Variants in PROM1 observed in about 807,000 individuals in gnomAD.
PROM1 encodes the protein prominin-1.
In PROM1, 105 loss-of-function variants were observed where a neutral mutation model predicts 116.9. That is an observed-to-expected ratio of 0.90 (90% CI 0.77 to 1.06). The LOEUF (loss-of-function observed/expected upper bound fraction) is 1.06. PROM1 is among the 50% of genes least tolerant of loss of function. PROM1 has a pLI of 0.00. For missense variants in PROM1, 1,122 were observed against 1,045.2 expected (o/e 1.07, Z -1.01); for synonymous variants, 393 against 387.0 (o/e 1.02, Z -0.18).
At position 16,077,319 on chromosome 4, in the gene PROM1, T is replaced by TA. The variant is rs202110281; in HGVS notation, c.-212-1202dup. On this transcript the variant is annotated intron_variant, in intron 1 of 27. Transcript: ENST00000447510. ...TGAGATGTTTATGGGTATGCATATC[T>TA]AAAGCACAGCACTTAATTCTTTACC... 3.9e-3 allele frequency among the ~76,000 whole-genome samples: 597 copies of TA among 152,330 alleles called. 3 individuals carry two copies. Among genetic ancestry groups the TA allele is most frequent in the African/African-American group, 0.013 (560 of 41,574 alleles).
At chr4:15,986,962 T>C (rs1719580157) in intron 20 of PROM1, among the ~76,000 whole-genome samples, 1 of 152,214 alleles carries the variant, frequency 6.6e-6, no homozygotes, top group African/African-American at 2.4e-5. Flanking sequence ...AACCCAGCCT[T>C]GCAGCTCTGT....
intron 3 of PROM1, 28 bp downstream of exon 3, chr4:16,038,918 A>C (rs1335667341): frequency 2.2e-5 from 32 of 1,453,576 alleles, no homozygotes; most frequent in Admixed American, 2.7e-5. Context: ...TCGTATTTTT[A>C]ATAATAAATA....
rs1719204415 is a variant in PROM1, at chr4:15,985,755, C to T, written c.2280+5G>A. The T allele has an allele frequency of 6.5e-7, 1 of 1,538,956 alleles. No homozygotes were observed. The highest frequency in any genetic ancestry group is 9.0e-7 in the Non-Finnish European group (1 of 1,116,472). ...CTTAACATTCATAAAAGATAAACTA[C>T]TTACAGAGAACTCGATCCACTGCAG... On this transcript the variant is annotated splice_donor_5th_base_variant and intron_variant, in intron 22 of 27. Coordinates refer to ENST00000447510, the MANE Select transcript of PROM1 (RefSeq NM_006017.3).
At chr4:16,032,532 A>G (rs1002920915) in intron 5 of PROM1, among the ~76,000 whole-genome samples, 2 of 152,224 alleles carry the variant, frequency 1.3e-5, no homozygotes, top group Admixed American at 1.3e-4. Context: ...TTCATGTCAT[A>G]GGCACATTGA....
intron 5 of PROM1, among the ~76,000 whole-genome samples, chr4:16,026,645 C>T (rs566160420): frequency 6.6e-6 from 1 of 152,246 alleles, no homozygotes; most frequent in African/African-American, 2.4e-5. Context: ...ATTTCTCCAT[C>T]CTGGGTAAAT....
chr4:16,056,271 AAAC>A (rs1738990881), intron 2 of PROM1, among the ~76,000 whole-genome samples: 2 of 152,168 alleles, frequency 1.3e-5, no homozygotes, highest in Admixed American at 1.3e-4. Context: ...GGATTCCACC[AAAC>A]AACAACCATG....
intron 2 of PROM1, among the ~76,000 whole-genome samples, chr4:16,056,552 C>T (rs547530787): frequency 2.1e-4 from 31 of 150,862 alleles, no homozygotes; most frequent in African/African-American, 7.1e-4. Context: ...AGAATAAATG[C>T]TATAAAGAAA....
intron 11 of PROM1, among the ~76,000 whole-genome samples, chr4:16,012,283 C>A (rs1279623996): frequency 6.6e-6 from 1 of 152,176 alleles, no homozygotes; most frequent in Non-Finnish European, 1.5e-5. Context: ...AGGCGTGAGC[C>A]ACTGCGCCCA....
chr4:16,046,078 G>A (rs1736484668), intron 2 of PROM1, among the ~76,000 whole-genome samples: 1 of 152,336 alleles, frequency 6.6e-6, no homozygotes, highest in Non-Finnish European at 1.5e-5. Flanking sequence ...AGGGGTCAAG[G>A]CTAAGTTGGC....
At chr4:16,077,264 T>A (rs1004618886) in intron 1 of PROM1, among the ~76,000 whole-genome samples, 1 of 152,236 alleles carries the variant, frequency 6.6e-6, no homozygotes, top group Non-Finnish European at 1.5e-5. Context: ...AGGTGGGACA[T>A]GCGGGCAACA....
At chr4:16,043,447 T>C (rs926491608) in intron 2 of PROM1, among the ~76,000 whole-genome samples, 3 of 152,184 alleles carry the variant, frequency 2.0e-5, no homozygotes, top group Admixed American at 1.3e-4. Context: ...ACCACAGGCA[T>C]GCACATCACA....
In PROM1 at chr4:15,969,112, T is replaced by A. The variant is rs531645645; in HGVS notation, c.*281A>T. On this transcript the variant is annotated 3_prime_UTR_variant, in exon 28 of 28. Coordinates refer to ENST00000447510, the MANE Select transcript of PROM1 (RefSeq NM_006017.3). Reference sequence around the variant, plus strand: ...CACCCCATATGTTGTAGTGTCTAAATAGAAACTCAGTGTAAAAAAGTAAAA... The same window carrying A: ...CACCCCATATGTTGTAGTGTCTAAAAAGAAACTCAGTGTAAAAAAGTAAAA... 3 of 152,306 alleles carry A rather than the reference T, an allele frequency of 2.0e-5. No individual in the cohort carries two copies. The highest frequency in any genetic ancestry group is 7.2e-5 in the African/African-American group (3 of 41,564). The allele number at this position is 152,306 out of a possible 1,614,324, so 9.4% of individuals were successfully genotyped here. A position where few individuals can be genotyped will look rare whatever the true frequency, so the allele number is the denominator to read the frequency against.
chr4:15,984,439 G>C, intron 22 of PROM1, 84 bp from the exon 23 acceptor site: 1 of 1,024,526 alleles, frequency 9.8e-7, no homozygotes. Flanking sequence ...CTTTTGACTT[G>C]GTGTCACAAA....
intron 26 of PROM1, chr4:15,976,295 CA>C (rs1340774157): frequency 2.3e-6 from 1 of 434,044 alleles, no homozygotes; most frequent in African/African-American, 2.0e-5. Flanking sequence ...TTTCCATCAT[CA>C]TGCCTTTTTT....
chr4:16,033,152 CA>C (rs1035313501), intron 5 of PROM1, among the ~76,000 whole-genome samples, 151 bp downstream of exon 5: 1 of 152,058 alleles, frequency 6.6e-6, no homozygotes, highest in Non-Finnish European at 1.5e-5. Flanking sequence ...TCACTCTAGA[CA>C]AGCGCTTGTG....
At chr4:16,008,313 C>T (rs1350307249) in intron 12 of PROM1, among the ~76,000 whole-genome samples, 1 of 152,144 alleles carries the variant, frequency 6.6e-6, no homozygotes, top group Non-Finnish European at 1.5e-5. Flanking sequence ...CTGGGATGTC[C>T]ACCACCCTCA....
chr4:15,972,646 T>C (rs1577732091), intron 26 of PROM1, among the ~76,000 whole-genome samples: 1 of 152,306 alleles, frequency 6.6e-6, no homozygotes, highest in East Asian at 1.9e-4. Context: ...GCTCCTGATG[T>C]AAGAGAAACA....
At position 16,000,598 on chromosome 4, in the gene PROM1, GA is replaced by G; in HGVS notation, c.1475del (p.Leu492ProfsTer6). 1 of 1,572,826 alleles carries G rather than the reference GA, an allele frequency of 6.4e-7. No individual in the cohort carries two copies. The highest frequency in any genetic ancestry group is 2.2e-5 in the East Asian group (1 of 44,568). On this transcript the variant is annotated frameshift_variant, in exon 14 of 28. Transcript: ENST00000447510. LOFTEE classifies it high-confidence loss of function. ...CAATGATCATCAATATCCAGCAAAA[GA>G]GGAAACTTAATCCAACTCCACTGGA... ...FLMVGVGLSFLFCWILMIIVV... is the reference protein window; with the variant it reads ...FLMVGVGLSFXFCWILMIIVV...
At chr4:16,030,947 G>A (rs554198741) in intron 5 of PROM1, among the ~76,000 whole-genome samples, 56 of 152,260 alleles carry the variant, frequency 3.7e-4, no homozygotes, top group Admixed American at 2.9e-3. Flanking sequence ...TAGGAAGGCT[G>A]AGGCACAAGA....
Sources: gnomAD v4.1 joint callset for allele counts (sites outside exome capture counted in the v4.1 genomes callset) on GRCh38, gnomAD v4.1.1 for gene constraint, MANE v1.5 for transcripts, NCBI Gene and HGNC (gene_info 2026-07-23, HGNC 2026-07-21) for gene names.